The following CCSER1 variants were observed in gnomAD, a reference collection of about 807,000 sequenced individuals.
The protein encoded by CCSER1 is coiled-coil serine rich protein 1.
Under a neutral mutation model 82.0 loss-of-function variants are expected in CCSER1, and 41 were observed. The ratio of observed to expected loss-of-function variants is 0.50; its 90% CI spans 0.39 to 0.65. The LOEUF (loss-of-function observed/expected upper bound fraction) is 0.65, where lower values mean the gene tolerates loss of function less well. CCSER1 is among the 30% of genes least tolerant of loss of function. The pLI is 0.00. For synonymous variants in CCSER1, 414 were observed against 383.9 expected (o/e 1.08, Z -0.92); for missense variants, 1,119 against 1,064.2 (o/e 1.05, Z -0.72).
intron 10 of CCSER1, among the ~76,000 whole-genome samples, chr4:91,148,611 T>C (rs957622661): frequency 6.6e-5 from 10 of 152,146 alleles, no homozygotes; most frequent in Non-Finnish European, 1.0e-4. Context: ...ATTAGGTATA[T>C]CTCCTGATGC....
intron 5 of CCSER1, among the ~76,000 whole-genome samples, chr4:90,566,808 T>G (rs1779451497): frequency 6.6e-6 from 1 of 152,024 alleles, no homozygotes; most frequent in East Asian, 1.9e-4. Flanking sequence ...TTCACCGTGT[T>G]AGCCAGGATG....
intron 10 of CCSER1, among the ~76,000 whole-genome samples, chr4:91,463,813 A>G (rs1464323846): frequency 1.3e-5 from 2 of 152,324 alleles, no homozygotes; most frequent in Non-Finnish European, 1.5e-5. Flanking sequence ...AAAAAAGAGT[A>G]AAAAGAAATG....
chr4:90,901,589 T>G (rs1234452632), intron 8 of CCSER1, among the ~76,000 whole-genome samples: 1 of 152,070 alleles, frequency 6.6e-6, no homozygotes, highest in Non-Finnish European at 1.5e-5. Context: ...TTTTTTTCTT[T>G]AAGAGGGTAA....
chr4:90,925,363 CAA>C (rs1228945803), intron 9 of CCSER1, among the ~76,000 whole-genome samples: 1 of 151,996 alleles, frequency 6.6e-6, no homozygotes, highest in Non-Finnish European at 1.5e-5. Flanking sequence ...AAAGAGAAAA[CAA>C]ATATACATTT....
intron 6 of CCSER1, among the ~76,000 whole-genome samples, chr4:90,653,260 C>G (rs1044361220): frequency 1.5e-4 from 23 of 151,906 alleles, no homozygotes; most frequent in Non-Finnish European, 2.6e-4. Flanking sequence ...ATAAAATAAT[C>G]TCATTTTTAT....
At chr4:90,329,430 A>C (rs757985108) in intron 3 of CCSER1, among the ~76,000 whole-genome samples, 3 of 152,172 alleles carry the variant, frequency 2.0e-5, no homozygotes, top group Non-Finnish European at 4.4e-5. Flanking sequence ...AACATTGAAA[A>C]ACAAATAGTA....
At chr4:90,891,373 TTTAAA>T (rs1270812158) in intron 8 of CCSER1, among the ~76,000 whole-genome samples, 1 of 151,576 alleles carries the variant, frequency 6.6e-6, no homozygotes, top group African/African-American at 2.4e-5. Flanking sequence ...TTCATTTAAC[TTTAAA>T]TTAAAACAAT....
chr4:90,660,344 A>G (rs781214308), intron 6 of CCSER1, among the ~76,000 whole-genome samples: 24 of 152,094 alleles, frequency 1.6e-4, no homozygotes, highest in Non-Finnish European at 2.8e-4. Flanking sequence ...GGAATACTAC[A>G]TAGCCATAAA....
rs183328686 is a variant in CCSER1, at chr4:91,174,017, A to C, written c.2217+88023A>C. Among the ~76,000 whole-genome samples, 13 of 152,324 alleles carry C rather than the reference A, an allele frequency of 8.5e-5. No homozygotes were observed. The East Asian group carries it at 2.5e-3, about 29-fold the overall frequency. On this transcript the variant is annotated intron_variant, in intron 10 of 10. Transcript: ENST00000509176. ...TAAGTACACATATCTATTGAAGATAAATTAGAAGAATAAACAAGACAAAAC... is the reference window on the plus strand; with the variant it reads ...TAAGTACACATATCTATTGAAGATACATTAGAAGAATAAACAAGACAAAAC...
In CCSER1 at chr4:91,599,061, A is replaced by T; in HGVS notation, c.*4A>T. 3 of 1,531,926 alleles carry T rather than the reference A, an allele frequency of 2.0e-6. No individual in the cohort carries two copies. The highest frequency in any genetic ancestry group is 2.6e-6 in the Non-Finnish European group (3 of 1,134,190). 94.9% of individuals were successfully genotyped at this position (1,531,926 alleles called of 1,614,324 possible). On this transcript the variant is annotated 3_prime_UTR_variant, in exon 11 of 11. Transcript: ENST00000509176. ...TCTAGGCCAGCAGGATGGGTAATTA[A>T]ATCACCGTATTCCTGTCTTTGGGTA...
intron 10 of CCSER1, among the ~76,000 whole-genome samples, chr4:91,249,929 A>G (rs1428522447): frequency 6.7e-6 from 1 of 148,420 alleles, no homozygotes. Context: ...GGGGGAAAGA[A>G]AAGATTGTAG....
At chr4:90,581,869 A>G (rs1487529026) in intron 5 of CCSER1, among the ~76,000 whole-genome samples, 1 of 150,684 alleles carries the variant, frequency 6.6e-6, no homozygotes. Context: ...TTTAGAGGAA[A>G]GGAATGACTT....
chr4:90,907,698 C>G (rs1034590635), intron 8 of CCSER1, among the ~76,000 whole-genome samples: 5 of 151,830 alleles, frequency 3.3e-5, no homozygotes, highest in African/African-American at 1.2e-4. Flanking sequence ...GATTTTTACC[C>G]GTTGTTTAAT....
intron 5 of CCSER1, among the ~76,000 whole-genome samples, chr4:90,547,366 G>A (rs1419700293): frequency 6.6e-6 from 1 of 151,890 alleles, no homozygotes; most frequent in Middle Eastern, 3.2e-3. Context: ...TTTAAACAAA[G>A]TGTCTATTTC....
chr4:90,833,274 T>G, intron 8 of CCSER1, among the ~76,000 whole-genome samples: 1 of 152,180 alleles, frequency 6.6e-6, no homozygotes. Context: ...AGCCCTTTTA[T>G]AAGTGACTAG....
At chr4:90,354,552 T>G (rs1353116371) in intron 3 of CCSER1, among the ~76,000 whole-genome samples, 1 of 152,130 alleles carries the variant, frequency 6.6e-6, no homozygotes, top group African/African-American at 2.4e-5. Context: ...ATGGTACTCA[T>G]TTCACAGTGT....
chr4:90,195,675 A>C (rs1736456937), intron 1 of CCSER1, among the ~76,000 whole-genome samples: 1 of 152,032 alleles, frequency 6.6e-6, no homozygotes, highest in East Asian at 1.9e-4. Flanking sequence ...AATCTCTATA[A>C]CTTCTGTTCA....
intron 10 of CCSER1, among the ~76,000 whole-genome samples, chr4:91,405,678 A>C (rs924989590): frequency 1.3e-5 from 2 of 152,326 alleles, no homozygotes; most frequent in African/African-American, 4.8e-5. Context: ...CTCCAATCTA[A>C]GCACAGGATA....
At chr4:90,198,331 G>A (rs1377855750) in intron 1 of CCSER1, among the ~76,000 whole-genome samples, 1 of 152,072 alleles carries the variant, frequency 6.6e-6, no homozygotes, top group Admixed American at 6.6e-5. Context: ...CATCTAATCA[G>A]CATGAAAAAG....
Sources: allele counts gnomAD v4.1 joint callset (sites outside exome capture counted in the v4.1 genomes callset), GRCh38; gene constraint gnomAD v4.1.1; transcripts MANE v1.5; gene names NCBI Gene and HGNC (gene_info 2026-07-23, HGNC 2026-07-21).